The following ATP7A variants were observed in gnomAD, a reference collection of about 807,000 sequenced individuals.
ATP7A encodes ATPase copper transporting alpha.
In ATP7A, 7 loss-of-function variants were observed where a neutral mutation model predicts 83.5. The ratio of observed to expected loss-of-function variants is 0.08; its 90% CI spans 0.05 to 0.16. ATP7A has a LOEUF of 0.16. Ranked by LOEUF, ATP7A falls within the 10% of genes least tolerant of loss-of-function variation. The pLI, the probability that ATP7A is intolerant of heterozygous loss-of-function variation, is 1.00. For missense variants in ATP7A, 940 were observed against 1,120.8 expected, an observed-to-expected ratio of 0.84 and a Z score of 2.30; for synonymous variants, 354 against 395.2, an observed-to-expected ratio of 0.90 and a Z score of 1.24.
chrX:77,941,994 C>A (rs1261866659), intron 1 of ATP7A, among the ~76,000 whole-genome samples: 1 of 111,842 alleles, frequency 8.9e-6, no homozygotes, highest in Non-Finnish European at 1.9e-5. Context: ...AGATTCAGAT[C>A]TTTGAGCCTT....
chrX:77,975,296 G>C (rs1195313284), intron 2 of ATP7A, among the ~76,000 whole-genome samples: 1 of 109,110 alleles, frequency 9.2e-6, no homozygotes, highest in African/African-American at 3.3e-5. Context: ...ACTAATTGTA[G>C]TGTATATAAT....
At chrX:78,020,420 AAC>A (rs1202342613) in intron 13 of ATP7A, 22 bp downstream of exon 13, 1 of 1,199,989 alleles carries the variant, frequency 8.3e-7, no homozygotes, top group Non-Finnish European at 1.1e-6. Flanking sequence ...CCCTAGGAGA[AAC>A]ACAAACTATT....
intron 1 of ATP7A, among the ~76,000 whole-genome samples, chrX:77,933,231 G>A (rs782245804): frequency 2.7e-5 from 3 of 111,827 alleles, no homozygotes; most frequent in Non-Finnish European, 5.6e-5. Context: ...AGATTAAATA[G>A]CTTGCCAAGG....
At chrX:77,949,517 A>G (rs375202876) in intron 1 of ATP7A, among the ~76,000 whole-genome samples, 145 of 112,150 alleles carry the variant, frequency 1.3e-3, no homozygotes, top group South Asian at 3.3e-3. Context: ...TATTTAATCA[A>G]CGTACATAAT....
intron 14 of ATP7A, among the ~76,000 whole-genome samples, chrX:78,026,514 A>G (rs782792439): frequency 8.9e-6 from 1 of 111,949 alleles, no homozygotes; most frequent in East Asian, 2.8e-4. Flanking sequence ...CACTGACAGC[A>G]CTAGAGAGAT....
At chrX:78,002,970 T>G in intron 5 of ATP7A, 103 bp from the exon 6 acceptor site, 1 of 892,103 alleles carries the variant, frequency 1.1e-6, no homozygotes, top group Non-Finnish European at 1.6e-6. Flanking sequence ...CTTTAATACT[T>G]AAGAGAAATC....
In ATP7A at chrX:78,047,732, G is replaced by C. The variant is rs1370194929; in HGVS notation, c.*1162G>C. On this transcript the variant is annotated 3_prime_UTR_variant, in exon 23 of 23. Coordinates refer to ENST00000341514, the MANE Select transcript of ATP7A (RefSeq NM_000052.7). ...TTACAGGTGCCTGCCACCACACCCG[G>C]CTAATTTTCATATTTTTCAGTAGAG... 1 of 110,850 alleles carries C rather than the reference G, an allele frequency of 9.0e-6. No individual in the cohort carries two copies. Among genetic ancestry groups the C allele is most frequent in the Non-Finnish European group, 1.9e-5 (1 of 53,002 alleles). 9.1% of individuals were successfully genotyped at this position (110,850 alleles called of 1,213,427 possible). A position where few individuals can be genotyped will look rare whatever the true frequency, so the allele number is the denominator to read the frequency against.
At chrX:78,009,657 A>G (rs941553309) in intron 7 of ATP7A, among the ~76,000 whole-genome samples, 1 of 112,217 alleles carries the variant, frequency 8.9e-6, no homozygotes, top group Non-Finnish European at 1.9e-5. Context: ...TAAAGTAAGA[A>G]ATTTAAAAGA....
chrX:78,029,655 C>T (rs1325239755), intron 15 of ATP7A, among the ~76,000 whole-genome samples: 1 of 111,817 alleles, frequency 8.9e-6, no homozygotes, highest in Non-Finnish European at 1.9e-5. Flanking sequence ...CTACTCCAGG[C>T]CTATTTATTA....
intron 1 of ATP7A, chrX:77,968,952 G>A: frequency 1.7e-6 from 2 of 1,210,685 alleles, no homozygotes; most frequent in Non-Finnish European, 2.2e-6. Flanking sequence ...GAAACTGCAT[G>A]GGCTTGATAG....
chrX:77,913,589 C>A (rs1557222174), intron 1 of ATP7A, among the ~76,000 whole-genome samples: 1 of 111,972 alleles, frequency 8.9e-6, no homozygotes, highest in Non-Finnish European at 1.9e-5. Context: ...TATCAAAATT[C>A]CTTTAGAATG....
chrX:78,029,931 A>C (rs2077972053), intron 15 of ATP7A, among the ~76,000 whole-genome samples: 1 of 111,541 alleles, frequency 9.0e-6, no homozygotes, highest in African/African-American at 3.3e-5. Flanking sequence ...GGATTTCCAT[A>C]ATCATCTCAA....
chrX:77,922,025 C>T (rs782257811), intron 1 of ATP7A, among the ~76,000 whole-genome samples: 5 of 110,876 alleles, frequency 4.5e-5, no homozygotes, highest in African/African-American at 1.6e-4. Context: ...GAACTCCTGG[C>T]CTCAAGAAGT....
At chrX:77,916,767 T>C (rs1710731141) in intron 1 of ATP7A, among the ~76,000 whole-genome samples, 1 of 111,791 alleles carries the variant, frequency 8.9e-6, no homozygotes, top group African/African-American at 3.2e-5. Context: ...TTAGTACATT[T>C]TTATTGTGTG....
At position 78,006,261 on chromosome X, in the gene ATP7A, A is replaced by T. The variant is rs148059616; in HGVS notation, c.1708-2841A>T. Among the ~76,000 whole-genome samples, 23 of 112,242 alleles carry T rather than the reference A, an allele frequency of 2.0e-4. No individual in the cohort carries two copies. In the East Asian group the frequency reaches 4.7e-3, roughly 23 times the overall value. ...TTGCCTCAGAAGTTCCACTTGTAGG[A>T]ATTTATCCAACAGACATTTTTGCAT... is the stretch of plus-strand genomic sequence containing the variant. On this transcript the variant is annotated intron_variant, in intron 6 of 22. Coordinates refer to ENST00000341514, the MANE Select transcript of ATP7A (RefSeq NM_000052.7).
At chrX:77,911,552 G>C (rs1230630618) in intron 1 of ATP7A, among the ~76,000 whole-genome samples, 1 of 104,822 alleles carries the variant, frequency 9.5e-6, no homozygotes, top group African/African-American at 3.6e-5. Flanking sequence ...TGATACTGAG[G>C]TTATTAATTT....
In ATP7A at chrX:77,988,321, A is replaced by C; in HGVS notation, c.200A>C (p.Asp67Ala). ...CCAAAGACCCTACAGGAAGCTATTGATGACATGGGCTTTGATGCTGTTATC... is the reference window on the plus strand; with the variant it reads ...CCAAAGACCCTACAGGAAGCTATTGCTGACATGGGCTTTGATGCTGTTATC... ...QTPKTLQEAIDDMGFDAVIHN... is the reference protein window; with the variant it reads ...QTPKTLQEAIADMGFDAVIHN... Residue 67 changes from aspartate (D) to alanine (A), a missense_variant, in exon 3 of 23, where the codon GAT becomes GCT. By Grantham distance (126) the Asp-to-Ala change is moderately radical (BLOSUM62 -2). This residue lies in a region of ATP7A where 350 missense variants were observed against 432.8 expected (regional missense o/e 0.81). Transcript: ENST00000341514. 8.3e-7 allele frequency: 1 copy of C among 1,205,294 alleles called. No homozygotes were observed. The highest frequency in any genetic ancestry group is 1.1e-6 in the Non-Finnish European group (1 of 892,073).
intron 6 of ATP7A, among the ~76,000 whole-genome samples, chrX:78,006,149 A>G (rs1471178182): frequency 1.8e-5 from 2 of 112,282 alleles, no homozygotes; most frequent in African/African-American, 3.2e-5. Context: ...CTGATCTCTC[A>G]TGTATTGCTG....
At chrX:77,965,585 A>G (rs887829942) in intron 1 of ATP7A, 3 of 145,903 alleles carry the variant, frequency 2.1e-5, no homozygotes, top group Admixed American at 7.9e-5. Context: ...CACTTTGGAA[A>G]ACAGTCTGGC....
Sources: gnomAD v4.1 joint callset for allele counts (sites outside exome capture counted in the v4.1 genomes callset) on GRCh38, gnomAD v4.1.1 for gene constraint, gnomAD v4.1.1 regional missense constraint, MANE v1.5 for transcripts, NCBI Gene and HGNC (gene_info 2026-07-23, HGNC 2026-07-21) for gene names.